Variants in SYN3 observed in about 807,000 individuals in gnomAD.
The protein encoded by SYN3 is synapsin III, also known as synapsin-3.
A neutral mutation model predicts 65.8 loss-of-function variants in SYN3; 35 were observed. The observed-to-expected ratio is 0.53, with a 90% CI of 0.41 to 0.70. The LOEUF is 0.70. Ranked by LOEUF, SYN3 falls within the 30% of genes least tolerant of loss-of-function variation. SYN3 has a pLI of 0.00. For synonymous variants in SYN3, 270 were observed against 292.9 expected (o/e 0.92, Z 0.80); for missense variants, 680 against 749.0 (o/e 0.91, Z 1.08).
chr22:32,615,271 C>G (rs888640852), intron 6 of SYN3, among the ~76,000 whole-genome samples: 11 of 151,716 alleles, frequency 7.3e-5, no homozygotes, highest in Admixed American at 2.0e-4. Flanking sequence ...CCGGTCTCTA[C>G]TAAAAATACA....
chr22:32,780,276 TG>T (rs1302495994), intron 6 of SYN3, among the ~76,000 whole-genome samples: 1 of 151,894 alleles, frequency 6.6e-6, no homozygotes, highest in East Asian at 1.9e-4. Flanking sequence ...AAGCTGGCCC[TG>T]GGGGGTGCCG....
chr22:32,562,302 C>T (rs1464220685), intron 7 of SYN3, among the ~76,000 whole-genome samples: 1 of 152,200 alleles, frequency 6.6e-6, no homozygotes, highest in Non-Finnish European at 1.5e-5. Flanking sequence ...CATTGCATGA[C>T]CCCTTGGCTT....
chr22:32,798,176 C>T (rs62232902), intron 6 of SYN3, among the ~76,000 whole-genome samples: 16 of 151,998 alleles, frequency 1.1e-4, no homozygotes, highest in Admixed American at 7.9e-4. Flanking sequence ...CTGATTGGCT[C>T]AGAGGGTGAT....
At chr22:32,955,222 C>T (rs759568007) in intron 3 of SYN3, among the ~76,000 whole-genome samples, 1 of 152,122 alleles carries the variant, frequency 6.6e-6, no homozygotes, top group African/African-American at 2.4e-5. Flanking sequence ...AATGCATAGA[C>T]CCTGCTGTTC....
intron 1 of SYN3, among the ~76,000 whole-genome samples, chr22:33,037,503 C>T (rs1259736883): frequency 6.6e-6 from 1 of 152,212 alleles, no homozygotes; most frequent in Non-Finnish European, 1.5e-5. Context: ...GTTTGTCAAA[C>T]TATATTAATC....
intron 6 of SYN3, among the ~76,000 whole-genome samples, chr22:32,628,208 G>A (rs1007919783): frequency 3.3e-5 from 5 of 152,132 alleles, no homozygotes; most frequent in African/African-American, 1.2e-4. Flanking sequence ...GGGCAGGCAA[G>A]ATACAGTTCC....
chr22:32,833,562 C>A (rs772495589), intron 6 of SYN3, among the ~76,000 whole-genome samples: 2 of 152,160 alleles, frequency 1.3e-5, no homozygotes, highest in Non-Finnish European at 2.9e-5. Context: ...GAAGGTCCCA[C>A]CCAACCTAAA....
At chr22:32,725,651 A>G (rs1331298602) in intron 6 of SYN3, among the ~76,000 whole-genome samples, 1 of 152,204 alleles carries the variant, frequency 6.6e-6, no homozygotes. Flanking sequence ...AGGGGCCATG[A>G]GCCAAGGCAT....
chr22:33,055,036 C>T (rs1046484443), intron 1 of SYN3, among the ~76,000 whole-genome samples: 1 of 152,226 alleles, frequency 6.6e-6, no homozygotes, highest in Non-Finnish European at 1.5e-5. Context: ...GAGCTTCCAA[C>T]TGTGACAAGA....
intron 7 of SYN3, among the ~76,000 whole-genome samples, chr22:32,591,481 T>C (rs920144241): frequency 1.3e-5 from 2 of 152,232 alleles, no homozygotes; most frequent in African/African-American, 4.8e-5. Flanking sequence ...TGACCAAATT[T>C]ATGACTCTAA....
At chr22:32,651,183 G>A (rs1030713071) in intron 6 of SYN3, among the ~76,000 whole-genome samples, 2 of 152,190 alleles carry the variant, frequency 1.3e-5, no homozygotes, top group African/African-American at 4.8e-5. Context: ...CACTAAGGAG[G>A]TCAGTGAGTC....
chr22:32,805,108 T>C (rs1224468377), intron 6 of SYN3, among the ~76,000 whole-genome samples: 3 of 152,106 alleles, frequency 2.0e-5, no homozygotes, highest in Non-Finnish European at 4.4e-5. Flanking sequence ...AAAGAGAATT[T>C]TGCTTCAGAA....
intron 6 of SYN3, among the ~76,000 whole-genome samples, chr22:32,847,887 G>A (rs1015494668): frequency 2.0e-5 from 3 of 152,376 alleles, no homozygotes; most frequent in Non-Finnish European, 2.9e-5. Context: ...TGAGGTCTTA[G>A]CATGGAAGTA....
At chr22:32,526,379 G>A (rs1419814542) in intron 12 of SYN3, among the ~76,000 whole-genome samples, 1 of 152,040 alleles carries the variant, frequency 6.6e-6, no homozygotes, top group Admixed American at 6.6e-5. Context: ...TAAGACCTGT[G>A]GAAGAGGAAG....
intron 1 of SYN3, among the ~76,000 whole-genome samples, chr22:33,031,522 C>T (rs2053755518): frequency 6.6e-6 from 1 of 152,080 alleles, no homozygotes; most frequent in Non-Finnish European, 1.5e-5. Flanking sequence ...TTTCCTGCCT[C>T]CCCACGGGTT....
intron 3 of SYN3, among the ~76,000 whole-genome samples, chr22:32,962,850 A>ATCTGTCTG (rs1391949230): frequency 2.5e-5 from 3 of 121,966 alleles, no homozygotes; most frequent in African/African-American, 3.2e-5. Flanking sequence ...CTATCTATCT[A>ATCTGTCTG]TCTGTCTGTC....
Position 32,533,864 on chromosome 22 carries a change from T to C in SYN3, c.1024A>G (p.Met342Val). The change falls in exon 10 of 14, where the codon ATG becomes GTG. Residue 342 changes from methionine (M) to valine (V), a missense_variant. By Grantham distance (21) the Met-to-Val change is conservative. Coordinates refer to ENST00000358763, the MANE Select transcript of SYN3 (RefSeq NM_003490.4). ...YRLWVDSCSE[M>V]FGGLDICAVK... ...GCACAGATGTCCAGGCCGCCAAACATTTCCGAGCAGCTGTCCACCCACAGC... is the reference window on the plus strand; with the variant it reads ...GCACAGATGTCCAGGCCGCCAAACACTTCCGAGCAGCTGTCCACCCACAGC... 3.7e-6 allele frequency: 6 copies of C among 1,613,832 alleles called. No individual in the cohort carries two copies. The Middle Eastern group carries it at 6.6e-4, about 178-fold the overall frequency.
rs558960807 is a variant in SYN3, at chr22:32,875,047, C to T, written c.462-5922G>A. Among the ~76,000 whole-genome samples, 9 of 152,308 alleles carry T rather than the reference C, an allele frequency of 5.9e-5. No individual in the cohort carries two copies. The South Asian group carries it at 1.2e-3, about 21-fold the overall frequency. Reference sequence around the variant, plus strand: ...GCTTTGCAGATGGAGGGGTTTGAATCGCCCATATGGAAGGACTTTGGGAAT... The same window carrying T: ...GCTTTGCAGATGGAGGGGTTTGAATTGCCCATATGGAAGGACTTTGGGAAT... On this transcript the variant is annotated intron_variant, in intron 4 of 13. Coordinates refer to ENST00000358763, the MANE Select transcript of SYN3 (RefSeq NM_003490.4).
intron 4 of SYN3, among the ~76,000 whole-genome samples, chr22:32,871,120 T>C (rs2048839325): frequency 6.6e-6 from 1 of 152,256 alleles, no homozygotes; most frequent in African/African-American, 2.4e-5. Context: ...AACCCCATCC[T>C]TCTTCATGAG....
Sources: gnomAD v4.1 joint callset for allele counts (sites outside exome capture counted in the v4.1 genomes callset) on GRCh38, gnomAD v4.1.1 for gene constraint, MANE v1.5 for transcripts, NCBI Gene and HGNC (gene_info 2026-07-23, HGNC 2026-07-21) for gene names.